The following CAMTA1 variants were observed in gnomAD, a reference collection of about 807,000 sequenced individuals.
CAMTA1 encodes the protein calmodulin binding transcription activator 1.
In CAMTA1, 27 loss-of-function variants were observed where a neutral mutation model predicts 170.9. The observed-to-expected ratio is 0.16, with a 90% CI of 0.12 to 0.22. The LOEUF (loss-of-function observed/expected upper bound fraction) is 0.22. CAMTA1 is among the 10% of genes least tolerant of loss of function. CAMTA1 has a pLI of 1.00. For missense variants in CAMTA1, 1,619 were observed against 2,217.2 expected, an observed-to-expected ratio of 0.73 and a Z score of 5.42; for synonymous variants, 833 against 891.5, an observed-to-expected ratio of 0.93 and a Z score of 1.17.
chr1:7,066,182 A>G (rs900563990), intron 3 of CAMTA1, among the ~76,000 whole-genome samples: 1 of 152,162 alleles, frequency 6.6e-6, no homozygotes, highest in Non-Finnish European at 1.5e-5. Flanking sequence ...ATGCTCTACA[A>G]ATCGTCTCCT....
At chr1:7,348,016 G>C (rs1239759190) in intron 5 of CAMTA1, among the ~76,000 whole-genome samples, 1 of 152,192 alleles carries the variant, frequency 6.6e-6, no homozygotes, top group Non-Finnish European at 1.5e-5. Flanking sequence ...TTGATACACC[G>C]TGTAGAGGAC....
At chr1:7,352,901 G>A (rs4908625) in intron 5 of CAMTA1, among the ~76,000 whole-genome samples, 26,769 of 152,270 alleles carry the variant, frequency 0.18, 3,100 homozygotes, top group East Asian at 0.54. Context: ...CAGCCTCATC[G>A]AGGAACAGAG....
chr1:7,116,807 C>T (rs1474534794), intron 4 of CAMTA1, among the ~76,000 whole-genome samples: 2 of 151,262 alleles, frequency 1.3e-5, no homozygotes, highest in African/African-American at 2.4e-5. Flanking sequence ...GCCACCACGC[C>T]TGGCTAATTT....
intron 3 of CAMTA1, among the ~76,000 whole-genome samples, chr1:6,921,608 C>G (rs1682026375): frequency 1.3e-5 from 2 of 152,164 alleles, no homozygotes; most frequent in African/African-American, 4.8e-5. Flanking sequence ...ATACCCAAGA[C>G]TGGGCAATTT....
intron 3 of CAMTA1, among the ~76,000 whole-genome samples, chr1:6,911,860 C>G (rs1051011375): frequency 6.6e-6 from 1 of 152,256 alleles, no homozygotes; most frequent in Non-Finnish European, 1.5e-5. Flanking sequence ...AAGCATATTC[C>G]TGGCACACAC....
At chr1:7,750,175 C>A (rs2096886368) in intron 19 of CAMTA1, among the ~76,000 whole-genome samples, 1 of 152,164 alleles carries the variant, frequency 6.6e-6, no homozygotes, top group Non-Finnish European at 1.5e-5. Context: ...TTCTTGTCTT[C>A]AAAGACTTTC....
intron 5 of CAMTA1, among the ~76,000 whole-genome samples, chr1:7,253,618 G>A (rs1226327724): frequency 6.6e-6 from 1 of 152,118 alleles, no homozygotes; most frequent in Non-Finnish European, 1.5e-5. Flanking sequence ...ACACATCCAT[G>A]CAAAGTACAT....
Position 7,732,571 on chromosome 1 carries a change from G to A in CAMTA1, c.3038G>A (p.Gly1013Glu). The change falls in exon 12 of 23, where the codon GGG becomes GAG. Residue 1013 changes from glycine to glutamate, a missense_variant. Around this residue, in one of 8 missense-constraint regions of CAMTA1, gnomAD observed 143 missense variants for 184.2 expected, o/e 0.78. Coordinates refer to ENST00000303635, the MANE Select transcript of CAMTA1 (RefSeq NM_015215.4). This position sits in a 1 kb window ranked among gnomAD's most constrained non-coding sequence, Gnocchi z 4.1. Reference protein sequence around the residue: ...SGGGSSGGGSGSGNGGSQAQC... With the variant: ...SGGGSSGGGSESGNGGSQAQC... ...GGCGGCAGCAGTGGAGGCGGCAGCG[G>A]GAGCGGGAATGGAGGGAGCCAGGCA... 1 of 1,611,452 alleles carries A rather than the reference G, an allele frequency of 6.2e-7. No homozygotes were observed. The highest frequency in any genetic ancestry group is 1.1e-5 in the South Asian group (1 of 90,752).
intron 5 of CAMTA1, among the ~76,000 whole-genome samples, chr1:7,416,705 A>G (rs1395005033): frequency 6.6e-6 from 1 of 152,086 alleles, no homozygotes; most frequent in Non-Finnish European, 1.5e-5. Flanking sequence ...ATTGGTTTGA[A>G]TTTCCTCCTG....
At chr1:6,895,556 C>T (rs565918043) in intron 3 of CAMTA1, among the ~76,000 whole-genome samples, 2 of 152,340 alleles carry the variant, frequency 1.3e-5, no homozygotes, top group South Asian at 4.1e-4. Flanking sequence ...ACTTTCTATC[C>T]ATTTGGAGTC....
intron 4 of CAMTA1, among the ~76,000 whole-genome samples, chr1:7,103,797 C>T (rs565826480): frequency 7.3e-5 from 11 of 150,230 alleles, no homozygotes; most frequent in Admixed American, 4.0e-4. Context: ...GTACATACAA[C>T]GCACATATAC....
At chr1:7,731,253 T>C (rs568036232) in intron 11 of CAMTA1, among the ~76,000 whole-genome samples, 7 of 152,216 alleles carry the variant, frequency 4.6e-5, no homozygotes, top group Non-Finnish European at 7.4e-5. Flanking sequence ...TACCTATTTA[T>C]GTTTGTCTCC....
At chr1:7,316,780 G>A (rs1029019554) in intron 5 of CAMTA1, among the ~76,000 whole-genome samples, 2 of 152,156 alleles carry the variant, frequency 1.3e-5, no homozygotes, top group Non-Finnish European at 2.9e-5. Context: ...GCCGTGCCCA[G>A]ATAGGATGGG....
chr1:7,160,389 G>A (rs954461540), intron 4 of CAMTA1, among the ~76,000 whole-genome samples: 23 of 151,918 alleles, frequency 1.5e-4, no homozygotes, highest in African/African-American at 5.3e-4. Flanking sequence ...CCCCACCAAC[G>A]ACCTCCTGGT....
At chr1:7,670,785 T>C in intron 9 of CAMTA1, 126 bp from the exon 10 acceptor site, 1 of 1,058,112 alleles carries the variant, frequency 9.5e-7, no homozygotes, top group African/African-American at 1.6e-5. Context: ...AGTGAGGGCC[T>C]GGGAATCTGC....
intron 4 of CAMTA1, among the ~76,000 whole-genome samples, chr1:7,243,809 T>A (rs1665304981): frequency 6.6e-6 from 1 of 152,088 alleles, no homozygotes; most frequent in Non-Finnish European, 1.5e-5. Flanking sequence ...AATCTATAAA[T>A]TTTTCAGGAC....
intron 6 of CAMTA1, among the ~76,000 whole-genome samples, chr1:7,632,656 A>G (rs1416670412): frequency 2.6e-5 from 4 of 152,214 alleles, no homozygotes; most frequent in African/African-American, 9.6e-5. Context: ...CTCAGCGGAG[A>G]TGGAGGAGCC....
rs2148945698 is a variant in CAMTA1, at chr1:7,641,783, C to T, written c.664+1230C>T. ...GACCAGGCTTGCCTCAGTGCTTCTG[C>T]CTGGAACCTCGAGGCAGGCAGCCCA... is the stretch of plus-strand genomic sequence containing the variant. On this transcript the variant is annotated intron_variant, in intron 7 of 22. Transcript: ENST00000303635. This position sits in a 1 kb window ranked among gnomAD's most constrained non-coding sequence, Gnocchi z 4.5. Among the ~76,000 whole-genome samples, 1 of 152,132 alleles carries T rather than the reference C, an allele frequency of 6.6e-6. No homozygotes were observed. The highest frequency in any genetic ancestry group is 1.9e-4 in the East Asian group (1 of 5,190).
intron 5 of CAMTA1, among the ~76,000 whole-genome samples, chr1:7,351,576 C>T (rs1385760882): frequency 6.6e-6 from 1 of 152,168 alleles, no homozygotes; most frequent in Non-Finnish European, 1.5e-5. Flanking sequence ...GCCAAGGCTG[C>T]GCTCTGAGTC....
Sources: gnomAD v4.1 joint callset for allele counts (sites outside exome capture counted in the v4.1 genomes callset) on GRCh38, gnomAD v4.1.1 for gene constraint, gnomAD v4.1.1 regional missense constraint, Gnocchi (gnomAD v3.1) non-coding constraint, MANE v1.5 for transcripts, NCBI Gene and HGNC (gene_info 2026-07-23, HGNC 2026-07-21) for gene names.